The following KCNH7 variants were observed in gnomAD, a reference collection of about 807,000 sequenced individuals.
KCNH7 encodes the protein voltage-gated inwardly rectifying potassium channel KCNH7.
Under a neutral mutation model 120.8 loss-of-function variants are expected in KCNH7, and 49 were observed. The observed-to-expected ratio is 0.41, with a 90% CI of 0.32 to 0.51. The LOEUF is 0.51. KCNH7 is among the 20% of genes least tolerant of loss of function. The probability of loss-of-function intolerance (pLI) is 0.38; values close to 1 mark genes in which losing one functional copy is unlikely to be tolerated. For synonymous variants in KCNH7, 547 were observed against 516.1 expected, an observed-to-expected ratio of 1.06 and a Z score of -0.81; for missense variants, 1,097 against 1,446.6, an observed-to-expected ratio of 0.76 and a Z score of 3.92.
intron 2 of KCNH7, among the ~76,000 whole-genome samples, chr2:162,660,135 C>T (rs1684909514): frequency 6.6e-6 from 1 of 152,054 alleles, no homozygotes; most frequent in Non-Finnish European, 1.5e-5. Flanking sequence ...GATTTCCACT[C>T]TAATTTCGTT....
intron 6 of KCNH7, among the ~76,000 whole-genome samples, chr2:162,454,922 G>A (rs944653684): frequency 3.3e-5 from 5 of 151,820 alleles, no homozygotes; most frequent in East Asian, 1.9e-4. Context: ...ATTTGAATAC[G>A]CTTTATTTCT....
chr2:162,541,637 G>T (rs1692305467), intron 2 of KCNH7, among the ~76,000 whole-genome samples: 1 of 152,102 alleles, frequency 6.6e-6, no homozygotes, highest in East Asian at 1.9e-4. Context: ...GGAGCAGAAT[G>T]ATGAGAACAC....
chr2:162,543,389 T>C (rs1247827279), intron 2 of KCNH7, among the ~76,000 whole-genome samples: 1 of 152,040 alleles, frequency 6.6e-6, no homozygotes, highest in Non-Finnish European at 1.5e-5. Context: ...TGGGGTAATA[T>C]GGGACTAGGA....
chr2:162,594,267 A>T (rs566403894), intron 2 of KCNH7, among the ~76,000 whole-genome samples: 2 of 151,918 alleles, frequency 1.3e-5, no homozygotes, highest in Non-Finnish European at 2.9e-5. Flanking sequence ...GCTTCATACA[A>T]TTGCTTTAAC....
At chr2:162,377,511 T>C (rs1044270116) in intron 14 of KCNH7, among the ~76,000 whole-genome samples, 2 of 152,194 alleles carry the variant, frequency 1.3e-5, no homozygotes, top group Admixed American at 1.3e-4. Flanking sequence ...TTTGAAATGA[T>C]TATCCTTGGC....
intron 2 of KCNH7, among the ~76,000 whole-genome samples, chr2:162,549,445 A>G (rs1439985818): frequency 2.6e-5 from 4 of 152,358 alleles, no homozygotes; most frequent in African/African-American, 9.6e-5. Context: ...GAATGTGTCA[A>G]CATGTTACCT....
Position 162,715,946 on chromosome 2 carries a change from TTGTGTGTG to T in KCNH7, c.307+120583_307+120590del, listed in dbSNP as rs55649777. Among the ~76,000 whole-genome samples, 23 of 146,492 alleles carry T rather than the reference TTGTGTGTG, an allele frequency of 1.6e-4. No homozygotes were observed. In the East Asian group the frequency reaches 3.4e-3, roughly 22 times the overall value. ...GATCTTTCCATCTGGGAGCATGTCTTTGTGTGTGTGTGTGTGTGTGTGTGTGTGTGTGC... is the reference window on the plus strand; with the variant it reads ...GATCTTTCCATCTGGGAGCATGTCTTTGTGTGTGTGTGTGTGTGTGTGTGC... On this transcript the variant is annotated intron_variant, in intron 2 of 15. Transcript: ENST00000332142.
chr2:162,626,591 A>T (rs1008369449), intron 2 of KCNH7, among the ~76,000 whole-genome samples: 1 of 152,202 alleles, frequency 6.6e-6, no homozygotes, highest in African/African-American at 2.4e-5. Flanking sequence ...TGGACGCTGT[A>T]ACAAAACAAA....
At chr2:162,490,202 A>T (rs1385748317) in intron 6 of KCNH7, among the ~76,000 whole-genome samples, 1 of 152,224 alleles carries the variant, frequency 6.6e-6, no homozygotes, top group Non-Finnish European at 1.5e-5. Context: ...TTGCCCAAAC[A>T]TGCCCGCAGT....
intron 2 of KCNH7, among the ~76,000 whole-genome samples, chr2:162,622,556 G>C (rs903677609): frequency 2.0e-5 from 3 of 152,080 alleles, no homozygotes; most frequent in African/African-American, 7.2e-5. Context: ...TACTTCCCTT[G>C]GTTTCAATTT....
rs571334643 is a variant in KCNH7 at position 162,644,837 on chromosome 2, A to G, written c.308-107757T>C. Among the ~76,000 whole-genome samples the G allele has an allele frequency of 3.9e-5, 6 of 152,258 alleles. No individual in the cohort carries two copies. The South Asian group carries it at 1.0e-3, about 26-fold the overall frequency. The stretch of plus-strand genomic sequence containing the variant: ...AACCTCCTTACAGCAAGTGAAGACT[A>G]TATTTAACACACTGCTTCATTAAAT... On this transcript the variant is annotated intron_variant, in intron 2 of 15. Transcript: ENST00000332142.
Position 162,469,854 on chromosome 2 carries a change from G to C in KCNH7, c.1129-23411C>G, listed in dbSNP as rs34014704. Reference sequence around the variant, plus strand: ...ACCGAGTGCCTGCGATTGCAGGCGCGCGCCGCCACGCCTGACTGGTTTTCA... The same window carrying C: ...ACCGAGTGCCTGCGATTGCAGGCGCCCGCCGCCACGCCTGACTGGTTTTCA... On this transcript the variant is annotated intron_variant, in intron 6 of 15. Transcript: ENST00000332142. 2.6e-5 allele frequency among the ~76,000 whole-genome samples: 4 copies of C among 152,150 alleles called. No homozygotes were observed. The East Asian group carries it at 5.8e-4, about 22-fold the overall frequency.
At chr2:162,477,906 G>A (rs1689802171) in intron 6 of KCNH7, among the ~76,000 whole-genome samples, 1 of 151,868 alleles carries the variant, frequency 6.6e-6, no homozygotes, top group African/African-American at 2.4e-5. Flanking sequence ...GGAAAACTAT[G>A]AGAAACAAAA....
At chr2:162,467,528 C>T (rs1689349078) in intron 6 of KCNH7, among the ~76,000 whole-genome samples, 1 of 152,196 alleles carries the variant, frequency 6.6e-6, no homozygotes, top group Admixed American at 6.5e-5. Context: ...TCTCTTTTTC[C>T]TTCCACCATG....
chr2:162,662,131 C>T (rs545123583), intron 2 of KCNH7, among the ~76,000 whole-genome samples: 18 of 152,028 alleles, frequency 1.2e-4, no homozygotes, highest in African/African-American at 1.7e-4. Flanking sequence ...GGCATGGTGG[C>T]GCGCACCTAT....
At chr2:162,695,268 T>C (rs1686250633) in intron 2 of KCNH7, among the ~76,000 whole-genome samples, 1 of 152,162 alleles carries the variant, frequency 6.6e-6, no homozygotes, top group Non-Finnish European at 1.5e-5. Flanking sequence ...CTATATGCTG[T>C]TAACCAGAAT....
chr2:162,726,505 C>G (rs920961835), intron 2 of KCNH7, among the ~76,000 whole-genome samples: 1 of 152,116 alleles, frequency 6.6e-6, no homozygotes, highest in Non-Finnish European at 1.5e-5. Context: ...CTGTAACCCC[C>G]GCCTCCCGGA....
intron 3 of KCNH7, among the ~76,000 whole-genome samples, chr2:162,526,925 G>T (rs933083291): frequency 6.6e-6 from 1 of 152,044 alleles, no homozygotes; most frequent in Admixed American, 6.6e-5. Flanking sequence ...AGAGATTGCA[G>T]TAAAGACAGG....
At chr2:162,536,422 G>A (rs1033816038) in intron 3 of KCNH7, among the ~76,000 whole-genome samples, 9 of 151,988 alleles carry the variant, frequency 5.9e-5, no homozygotes, top group Middle Eastern at 3.4e-3. Flanking sequence ...TTGAGAAAAC[G>A]GATTCTGACA....
Sources: allele counts gnomAD v4.1 joint callset (sites outside exome capture counted in the v4.1 genomes callset), GRCh38; gene constraint gnomAD v4.1.1; transcripts MANE v1.5; gene names NCBI Gene and HGNC (gene_info 2026-07-23, HGNC 2026-07-21).